Variants in ACSL6 observed in about 807,000 individuals in gnomAD.
ACSL6 encodes long-chain-fatty-acid--CoA ligase 6.
ACSL6 carries 47 observed loss-of-function variants against 98.2 expected under a neutral mutation model. The observed-to-expected ratio is 0.48, with a 90% CI of 0.38 to 0.61. The LOEUF is 0.61. Ranked by LOEUF, ACSL6 falls within the 20% of genes least tolerant of loss-of-function variation. The pLI, the probability that ACSL6 is intolerant of heterozygous loss-of-function variation, is 0.00. For missense variants in ACSL6, 761 were observed against 913.4 expected, an observed-to-expected ratio of 0.83 and a Z score of 2.15; for synonymous variants, 362 against 336.9, an observed-to-expected ratio of 1.07 and a Z score of -0.82.
intron 1 of ACSL6, among the ~76,000 whole-genome samples, chr5:132,002,852 C>T (rs1755167093): frequency 6.6e-6 from 1 of 152,068 alleles, no homozygotes; most frequent in East Asian, 1.9e-4. Flanking sequence ...CAGGATGGCA[C>T]TTAGCTATGG....
intron 15 of ACSL6, 28 bp downstream of exon 15, chr5:131,970,100 C>T: frequency 6.2e-7 from 1 of 1,611,064 alleles, no homozygotes; most frequent in Non-Finnish European, 8.5e-7. Flanking sequence ...GCCTCGCGAG[C>T]CAGTCCTATA....
In ACSL6 at chr5:131,954,413, C is replaced by T. The variant is rs774078212; in HGVS notation, c.2032-42G>A. On this transcript the variant is annotated intron_variant, in intron 20 of 20. Coordinates refer to ENST00000651883, the MANE Select transcript of ACSL6 (RefSeq NM_001009185.3). ...GAAAACATCTTTAACAGGAATAGAA[C>T]ACAGTATTTATAGTATACATGGTAA... 5.0e-6 allele frequency: 8 copies of T among 1,599,824 alleles called. No homozygotes were observed. The South Asian group carries it at 6.8e-5, about 14-fold the overall frequency.
In ACSL6 at chr5:131,994,184, C is replaced by T. The variant is rs17854460; in HGVS notation, c.117G>A (p.Glu39=). The T allele has an allele frequency of 2.4e-5, 38 of 1,614,092 alleles. No homozygotes were observed. The highest frequency in any genetic ancestry group is 2.1e-4 in the South Asian group (19 of 91,076). The change falls in exon 2 of 21, where the codon GAG becomes GAA. Residue 39 remains glutamate, a synonymous_variant. Coordinates refer to ENST00000651883, the MANE Select transcript of ACSL6 (RefSeq NM_001009185.3). ...GGAAAAACTGTCCCAAGTCACCTAG[C>T]TCAGGCAGTCGCAGTATCCTCAGGA... ...QEILRILRLP[E]LGDLGQFFRS... is the part of the protein sequence containing the mutation.
rs942634831 is a variant in ACSL6 at position 131,954,458 on chromosome 5, G to C, written c.2032-87C>G. On this transcript the variant is annotated intron_variant, in intron 20 of 20. Transcript: ENST00000651883. ...TGGTAAAAAGCAAACAGGCACATGAGAGTAGATATATTGACATACAGACAT... is the reference window on the plus strand; with the variant it reads ...TGGTAAAAAGCAAACAGGCACATGACAGTAGATATATTGACATACAGACAT... 4.6e-6 allele frequency: 6 copies of C among 1,312,624 alleles called. No individual in the cohort carries two copies. The African/African-American group carries it at 7.6e-5, about 17-fold the overall frequency. 81.3% of individuals were successfully genotyped at this position (1,312,624 alleles called of 1,614,324 possible). A position where few individuals can be genotyped will look rare whatever the true frequency, so the allele number is the denominator to read the frequency against.
chr5:131,981,767 C>A (rs994711925), intron 9 of ACSL6: 1 of 152,282 alleles, frequency 6.6e-6, no homozygotes, highest in Admixed American at 6.5e-5. Context: ...GAAAGAAGTG[C>A]ACACATGCTT....
At chr5:131,994,473 C>A in intron 1 of ACSL6, 1 of 553,554 alleles carries the variant, frequency 1.8e-6, no homozygotes, top group African/African-American at 1.9e-5. Context: ...ATGTCCTGCC[C>A]ACTTTTCCTG....
intron 20 of ACSL6, among the ~76,000 whole-genome samples, chr5:131,955,482 G>GT: frequency 1.3e-5 from 2 of 152,282 alleles, no homozygotes; most frequent in Middle Eastern, 6.8e-3. Context: ...CAAGGGAGAC[G>GT]TTTTTAAACC....
chr5:131,979,970 G>C (rs1416802858), intron 9 of ACSL6, among the ~76,000 whole-genome samples: 3 of 152,200 alleles, frequency 2.0e-5, no homozygotes, highest in Non-Finnish European at 4.4e-5. Flanking sequence ...TTCCTGGGCA[G>C]GCCTCCCATG....
intron 20 of ACSL6, among the ~76,000 whole-genome samples, chr5:131,956,928 C>T (rs549099680): frequency 6.6e-6 from 1 of 152,224 alleles, no homozygotes; most frequent in South Asian, 2.1e-4. Flanking sequence ...CTTCCTGAAA[C>T]CATACTCTTT....
In ACSL6 at chr5:131,962,576, G is replaced by C. The variant is rs758826280; in HGVS notation, c.1816C>G (p.Gln606Glu). 7.4e-6 allele frequency: 12 copies of C among 1,614,104 alleles called. No homozygotes were observed. Among genetic ancestry groups the C allele is most frequent in the Non-Finnish European group, 1.0e-5 (12 of 1,179,992 alleles). Reference protein sequence around the residue: ...EKIENIYIRSQPVAQIYVHGD... With the variant: ...EKIENIYIRSEPVAQIYVHGD... ...TGGACATAGATTTGCGCCACAGGTTGGCTCCGGATGTAGATGTTCTCAATC... is the reference window on the plus strand; with the variant it reads ...TGGACATAGATTTGCGCCACAGGTTCGCTCCGGATGTAGATGTTCTCAATC... The change falls in exon 18 of 21, where the codon CAA becomes GAA. Residue 606 changes from glutamine (Q) to glutamate (E), a missense_variant. Physicochemically the swap from Gln to Glu is conservative, Grantham distance 29. Transcript: ENST00000651883.
In ACSL6 at chr5:131,951,523, C is replaced by T. The variant is rs1752155482; in HGVS notation, c.*2711G>A. 1 of 198,558 alleles carries T rather than the reference C, an allele frequency of 5.0e-6. No individual in the cohort carries two copies. The highest frequency in any genetic ancestry group is 2.3e-5 in the African/African-American group (1 of 43,328). The allele number at this position is 198,558 out of a possible 1,614,324, so 12.3% of individuals were successfully genotyped here. A position where few individuals can be genotyped will look rare whatever the true frequency, so the allele number is the denominator to read the frequency against. On this transcript the variant is annotated 3_prime_UTR_variant, in exon 21 of 21. Transcript: ENST00000651883. Reference sequence around the variant, plus strand: ...CCAAGTGTGATGATTTCCACATAGACCTGGAAATCTAGAAATATAAGATAT... The same window carrying T: ...CCAAGTGTGATGATTTCCACATAGATCTGGAAATCTAGAAATATAAGATAT...
Position 131,960,542 on chromosome 5 carries a change from T to C in ACSL6, c.1937A>G (p.Tyr646Cys). 2 of 1,614,076 alleles carry C rather than the reference T, an allele frequency of 1.2e-6. No homozygotes were observed. Among genetic ancestry groups the C allele is most frequent in the South Asian group, 1.1e-5 (1 of 91,056 alleles). ...AACCTTATTTGTGCAGAGATCTGCA[T>C]ATGTTCCTTCAATTCCTCTCTTCTG... is the stretch of plus-strand genomic sequence containing the variant. ...WAQKRGIEGTYADLCTNKDLK... is the reference protein window; with the variant it reads ...WAQKRGIEGTCADLCTNKDLK... Residue 646 changes from tyrosine (Y) to cysteine (C), a missense_variant, in exon 19 of 21, where the codon TAT becomes TGT. Tyr to Cys is a radical substitution (Grantham distance 194, BLOSUM62 -2). Transcript: ENST00000651883.
At chr5:131,980,322 T>A (rs1452365670) in intron 9 of ACSL6, among the ~76,000 whole-genome samples, 3 of 152,200 alleles carry the variant, frequency 2.0e-5, no homozygotes, top group African/African-American at 7.2e-5. Context: ...AAAATCAGAC[T>A]TGAGGGCTAG....
At chr5:131,967,886 T>C (rs957331826) in intron 16 of ACSL6, 54 bp downstream of exon 16, 72 of 1,509,164 alleles carry the variant, frequency 4.8e-5, no homozygotes, top group Non-Finnish European at 6.3e-5. Flanking sequence ...CTGTTCTTGT[T>C]TTTACTCACT....
At chr5:132,009,913 G>A (rs972184739) in intron 1 of ACSL6, among the ~76,000 whole-genome samples, 2 of 152,188 alleles carry the variant, frequency 1.3e-5, no homozygotes, top group African/African-American at 4.8e-5. Context: ...TCTTCAGAGA[G>A]CTGACCTTGG....
intron 17 of ACSL6, among the ~76,000 whole-genome samples, chr5:131,963,081 A>G (rs966945819): frequency 5.9e-5 from 9 of 151,268 alleles, no homozygotes; most frequent in Admixed American, 3.9e-4. Flanking sequence ...TCTTTGGTTC[A>G]CTCCCTTAGA....
At chr5:131,971,127 G>C (rs1753282898) in intron 14 of ACSL6, among the ~76,000 whole-genome samples, 1 of 152,210 alleles carries the variant, frequency 6.6e-6, no homozygotes, top group African/African-American at 2.4e-5. Flanking sequence ...TAAACTTTTA[G>C]AGATGACAAA....
intron 17 of ACSL6, among the ~76,000 whole-genome samples, 161 bp downstream of exon 17, chr5:131,966,255 C>G (rs1753005395): frequency 6.6e-6 from 1 of 152,182 alleles, no homozygotes; most frequent in South Asian, 2.1e-4. Context: ...GGAAGATGCT[C>G]TGGGGCTCAG....
chr5:131,990,349 T>C (rs1384735275), intron 3 of ACSL6, among the ~76,000 whole-genome samples, 185 bp from the exon 4 acceptor site: 1 of 152,186 alleles, frequency 6.6e-6, no homozygotes, highest in Non-Finnish European at 1.5e-5. Context: ...CTAAAGCACA[T>C]AAGTATGGCA....
Sources: gnomAD v4.1 joint callset for allele counts (sites outside exome capture counted in the v4.1 genomes callset) on GRCh38, gnomAD v4.1.1 for gene constraint, MANE v1.5 for transcripts, NCBI Gene and HGNC (gene_info 2026-07-23, HGNC 2026-07-21) for gene names.